The following HPSE2 variants were observed in gnomAD, a reference collection of about 807,000 sequenced individuals.
The protein encoded by HPSE2 is heparanase 2 (inactive).
HPSE2 carries 38 observed loss-of-function variants against 60.5 expected under a neutral mutation model. The observed-to-expected ratio is 0.63, with a 90% CI of 0.48 to 0.82. The LOEUF (loss-of-function observed/expected upper bound fraction) is 0.82. Ranked by LOEUF, HPSE2 falls within the 40% of genes least tolerant of loss-of-function variation. HPSE2 has a pLI of 0.00. For synonymous variants in HPSE2, 295 were observed against 293.2 expected, an observed-to-expected ratio of 1.01 and a Z score of -0.06; for missense variants, 713 against 740.4, an observed-to-expected ratio of 0.96 and a Z score of 0.43.
the HPSE2 span, among the ~76,000 whole-genome samples, chr10:99,308,822 T>A: frequency 5.9e-5 from 9 of 152,200 alleles, no homozygotes; most frequent in African/African-American, 1.9e-4. Context: ...TCTTGAACAA[T>A]TGTTGGCCAA....
At chr10:99,070,500 T>C (rs1432399413) in intron 3 of HPSE2, among the ~76,000 whole-genome samples, 1 of 152,254 alleles carries the variant, frequency 6.6e-6, no homozygotes, top group East Asian at 1.9e-4. Context: ...TTCTTTTTTA[T>C]TGTAGTAAGA....
intron 3 of HPSE2, among the ~76,000 whole-genome samples, chr10:98,933,832 C>G (rs569763425): frequency 1.4e-5 from 2 of 140,756 alleles, no homozygotes; most frequent in Non-Finnish European, 3.0e-5. Context: ...CCTGGGTTCA[C>G]GCCATTCTCC....
chr10:98,536,413 T>A (rs1489720795), intron 9 of HPSE2, among the ~76,000 whole-genome samples: 1 of 152,178 alleles, frequency 6.6e-6, no homozygotes, highest in Non-Finnish European at 1.5e-5. Flanking sequence ...GAGGTGATGC[T>A]GGAAAGAGAG....
At chr10:98,710,334 T>A (rs11189764) in intron 5 of HPSE2, among the ~76,000 whole-genome samples, 21,646 of 152,122 alleles carry the variant, frequency 0.14, 1,923 homozygotes, top group Admixed American at 0.23. Context: ...TATTTATGTA[T>A]ATTAATAATA....
intron 3 of HPSE2, among the ~76,000 whole-genome samples, chr10:98,831,417 C>T (rs1300805791): frequency 6.6e-6 from 1 of 152,110 alleles, no homozygotes; most frequent in East Asian, 1.9e-4. Flanking sequence ...CTCCCTTCCC[C>T]CCAATATTTA....
intron 3 of HPSE2, among the ~76,000 whole-genome samples, chr10:98,847,055 C>T (rs1952051717): frequency 6.6e-6 from 1 of 152,202 alleles, no homozygotes; most frequent in Non-Finnish European, 1.5e-5. Flanking sequence ...TTAACCCAAG[C>T]TATCCTGGCA....
At chr10:98,663,649 A>G (rs768515370) in intron 6 of HPSE2, among the ~76,000 whole-genome samples, 1 of 152,182 alleles carries the variant, frequency 6.6e-6, no homozygotes, top group Non-Finnish European at 1.5e-5. Flanking sequence ...AACAACCACC[A>G]GGTGATCACA....
At chr10:98,782,950 T>TTTTTTA (rs1950514062) in intron 3 of HPSE2, among the ~76,000 whole-genome samples, 1 of 139,440 alleles carries the variant, frequency 7.2e-6, no homozygotes, top group Non-Finnish European at 1.6e-5. Context: ...TGTTTTTTTT[T>TTTTTTA]TTATTATACT....
At chr10:98,463,286 G>C (rs1355600759) in intron 11 of HPSE2, among the ~76,000 whole-genome samples, 1 of 152,062 alleles carries the variant, frequency 6.6e-6, no homozygotes, top group Non-Finnish European at 1.5e-5. Flanking sequence ...TACCTCTCCA[G>C]TCTCAGATCC....
chr10:98,808,466 C>T (rs959414870), intron 3 of HPSE2, among the ~76,000 whole-genome samples: 1 of 152,122 alleles, frequency 6.6e-6, no homozygotes, highest in Non-Finnish European at 1.5e-5. Context: ...AATACACTTT[C>T]TAGCATATAA....
chr10:99,039,151 C>T (rs192779317), intron 3 of HPSE2, among the ~76,000 whole-genome samples: 127 of 152,250 alleles, frequency 8.3e-4, no homozygotes, highest in Non-Finnish European at 1.5e-3. Context: ...TTTGAGTTTG[C>T]CACCCTGACT....
At position 98,743,972 on chromosome 10, in the gene HPSE2, G is replaced by A. The variant is rs1299411086; in HGVS notation, c.695C>T (p.Pro232Leu). Residue 232 changes from proline to leucine, a missense_variant, in exon 4 of 12, where the codon CCC becomes CTC. Physicochemically the swap from Pro to Leu is moderately conservative, Grantham distance 98. Transcript: ENST00000370552. ...ACTAGAACTGTTCCAGGAGTTATTGGGATTACGACGCAGTGCATTTAGAGC... is the reference window on the plus strand; with the variant it reads ...ACTAGAACTGTTCCAGGAGTTATTGAGATTACGACGCAGTGCATTTAGAGC... ...IFALNALRRN[P>L]NNSWNSSSAL... 1 of 1,614,088 alleles carries A rather than the reference G, an allele frequency of 6.2e-7. No homozygotes were observed. The highest frequency in any genetic ancestry group is 2.2e-5 in the East Asian group (1 of 44,872).
At chr10:99,225,688 C>T (rs1013264420) in intron 2 of HPSE2, among the ~76,000 whole-genome samples, 4 of 152,032 alleles carry the variant, frequency 2.6e-5, no homozygotes, top group Non-Finnish European at 5.9e-5. Context: ...TGGGAGAGAG[C>T]AAGTGTCATG....
At chr10:98,890,154 C>T (rs1043639048) in intron 3 of HPSE2, among the ~76,000 whole-genome samples, 4 of 151,940 alleles carry the variant, frequency 2.6e-5, no homozygotes, top group Admixed American at 2.6e-4. Flanking sequence ...ACAACCTGGC[C>T]CTTGGTAAGT....
chr10:99,011,401 T>G (rs894526784), intron 3 of HPSE2, among the ~76,000 whole-genome samples: 5 of 151,180 alleles, frequency 3.3e-5, no homozygotes, highest in South Asian at 4.2e-4. Flanking sequence ...TGAAATTTAG[T>G]TTTTTTTTCT....
At chr10:98,850,503 G>A (rs1001583262) in intron 3 of HPSE2, among the ~76,000 whole-genome samples, 3 of 152,154 alleles carry the variant, frequency 2.0e-5, no homozygotes, top group Non-Finnish European at 2.9e-5. Context: ...TTGGGAGGCC[G>A]AAGCGGGCAG....
At chr10:98,604,766 T>C (rs937868755) in intron 9 of HPSE2, among the ~76,000 whole-genome samples, 9 of 152,216 alleles carry the variant, frequency 5.9e-5, no homozygotes, top group African/African-American at 9.6e-5. Context: ...CATCTGAAGA[T>C]AGTGGTATGG....
the HPSE2 span, among the ~76,000 whole-genome samples, chr10:99,274,451 A>T: frequency 1.3e-5 from 2 of 152,212 alleles, no homozygotes; most frequent in Admixed American, 6.5e-5. Context: ...TCAAACAGAA[A>T]AGAAATAATT....
At chr10:99,088,907 A>G (rs1413618915) in intron 3 of HPSE2, among the ~76,000 whole-genome samples, 1 of 152,004 alleles carries the variant, frequency 6.6e-6, no homozygotes, top group Non-Finnish European at 1.5e-5. Context: ...GTAAGATGGT[A>G]TCACATGCAT....
Sources: allele counts gnomAD v4.1 joint callset (sites outside exome capture counted in the v4.1 genomes callset), GRCh38; gene constraint gnomAD v4.1.1; transcripts MANE v1.5; gene names NCBI Gene and HGNC (gene_info 2026-07-23, HGNC 2026-07-21).